TMPRSS6: variants seen among roughly 807,000 people sequenced by gnomAD.
TMPRSS6 encodes the protein transmembrane serine protease 6, also known as transmembrane protease serine 6.
A neutral mutation model predicts 101.5 loss-of-function variants in TMPRSS6; 67 were observed. That is an observed-to-expected ratio of 0.66 (90% CI 0.54 to 0.81). TMPRSS6 has a LOEUF of 0.81. Ranked by LOEUF, TMPRSS6 falls within the 30% of genes least tolerant of loss-of-function variation. The pLI, the probability that TMPRSS6 is intolerant of heterozygous loss-of-function variation, is 0.00. For missense variants in TMPRSS6, 1,034 were observed against 1,088.7 expected (o/e 0.95, Z 0.71); for synonymous variants, 453 against 464.9 (o/e 0.97, Z 0.33).
Position 37,093,384 on chromosome 22 carries a change from C to CTTTTTTT in TMPRSS6, c.631+2160_631+2166dup, listed in dbSNP as rs67659825. Among the ~76,000 whole-genome samples, 114 of 82,580 alleles carry CTTTTTTT rather than the reference C, an allele frequency of 1.4e-3. 1 individual carries two copies. The highest frequency in any genetic ancestry group is 2.6e-3 in the African/African-American group (49 of 19,084). The allele number at this position is 82,580 out of a possible 152,430, so 54.2% of individuals were successfully genotyped here. A position where few individuals can be genotyped will look rare whatever the true frequency, so the allele number is the denominator to read the frequency against. On this transcript the variant is annotated intron_variant, in intron 6 of 17. Coordinates refer to ENST00000676104, the MANE Select transcript of TMPRSS6 (RefSeq NM_001374504.1). Reference sequence around the variant, plus strand: ...ACCTTTTCCTTTCCTTTCTTTCTTTCTTTTTTTTTTTTTTTTTTTTTTTTT... The same window carrying CTTTTTTT: ...ACCTTTTCCTTTCCTTTCTTTCTTTCTTTTTTTTTTTTTTTTTTTTTTTTTTTTTTTT...
At chr22:37,076,005 AAGAAAGAAAGAAGAAAGAGAAAG>A (rs969244389) in intron 10 of TMPRSS6, among the ~76,000 whole-genome samples, 1 of 148,822 alleles carries the variant, frequency 6.7e-6, no homozygotes. Context: ...GAAAGGAAGA[AAGAAAGAAAGAAGAAAGAGAAAG>A]AGAAAGAAAG....
chr22:37,074,807 A>G, intron 11 of TMPRSS6, 99 bp from the exon 12 acceptor site: 1 of 1,257,744 alleles, frequency 8.0e-7, no homozygotes, highest in East Asian at 2.5e-5. Flanking sequence ...GTTCACTCAC[A>G]CGCGCATGGA....
chr22:37,066,997 G>A, intron 16 of TMPRSS6, 35 bp from the exon 17 acceptor site: 1 of 1,613,816 alleles, frequency 6.2e-7, no homozygotes, highest in Non-Finnish European at 8.5e-7. Flanking sequence ...GAGATCTCAG[G>A]AGCCTGGAGC....
chr22:37,073,452 C>A lies in TMPRSS6; in HGVS notation c.1555+80G>T. 6 of 898,888 alleles carry A rather than the reference C, an allele frequency of 6.7e-6. No individual in the cohort carries two copies. In the South Asian group the frequency reaches 7.9e-5, roughly 12 times the overall value. 55.7% of individuals were successfully genotyped at this position (898,888 alleles called of 1,614,324 possible). On this transcript the variant is annotated intron_variant, in intron 13 of 17. Coordinates refer to ENST00000676104, the MANE Select transcript of TMPRSS6 (RefSeq NM_001374504.1). ...GGTTGGTGGGTGTTGAGAGGAGAAGCTAGAAACTTTTGCTGAAGCATGTAG... is the reference window on the plus strand; with the variant it reads ...GGTTGGTGGGTGTTGAGAGGAGAAGATAGAAACTTTTGCTGAAGCATGTAG...
intron 2 of TMPRSS6, among the ~76,000 whole-genome samples, chr22:37,099,698 G>A (rs903056146): frequency 2.2e-4 from 33 of 152,342 alleles, no homozygotes; most frequent in African/African-American, 4.1e-4. Context: ...TGGTCAGTGC[G>A]GTGGGAATCA....
chr22:37,095,726 C>G, intron 5 of TMPRSS6, 134 bp from the exon 6 acceptor site: 1 of 1,221,730 alleles, frequency 8.2e-7, no homozygotes, highest in Non-Finnish European at 1.2e-6. Flanking sequence ...ATGCCCCCAT[C>G]CCACCCTTCT....
Position 37,069,279 on chromosome 22 carries a change from C to T in TMPRSS6, c.1907G>A (p.Gly636Glu), listed in dbSNP as rs909764358. The change falls in exon 16 of 18, where the codon GGA becomes GAA. Residue 636 changes from glycine to glutamate, a missense_variant. Transcript: ENST00000676104. This position sits in a 1 kb window ranked among gnomAD's most constrained non-coding sequence, Gnocchi z 4.8. ...GKVWQNSRWP[G>E]EVSFKVSRLL... The stretch of plus-strand genomic sequence containing the variant: ...GCGGCTCACCTTGAAGGACACCTCT[C>T]CAGGCCAGCGCGAGTTCTGCCACAC... The T allele has an allele frequency of 6.2e-7, 1 of 1,611,904 alleles. No homozygotes were observed. The highest frequency in any genetic ancestry group is 1.3e-5 in the African/African-American group (1 of 74,914).
At chr22:37,092,271 T>C (rs1003305549) in intron 6 of TMPRSS6, among the ~76,000 whole-genome samples, 3 of 152,196 alleles carry the variant, frequency 2.0e-5, no homozygotes, top group South Asian at 2.1e-4. Flanking sequence ...GAACCCTTTC[T>C]TCTTCTCGCC....
At chr22:37,086,451 T>C (rs1928788936) in intron 7 of TMPRSS6, 32 bp from the exon 8 acceptor site, 2 of 1,526,334 alleles carry the variant, frequency 1.3e-6, no homozygotes, top group Admixed American at 3.9e-5. Context: ...AAGGCTGGGC[T>C]GGGGTCTGGG....
At chr22:37,095,623 CA>C in intron 5 of TMPRSS6, 31 bp from the exon 6 acceptor site, 1 of 1,329,566 alleles carries the variant, frequency 7.5e-7, no homozygotes, top group South Asian at 1.6e-5. Context: ...AACAAATAAA[CA>C]AGAACAAAAA....
At chr22:37,078,973 A>AAG (rs762878165) in intron 10 of TMPRSS6, among the ~76,000 whole-genome samples, 42,240 of 105,410 alleles carry the variant, frequency 0.4, 9,565 homozygotes, top group African/African-American at 0.61. Flanking sequence ...GAAAGAAAGA[A>AAG]AAAGAAAGAA....
intron 10 of TMPRSS6, among the ~76,000 whole-genome samples, chr22:37,076,081 GAA>G (rs1350605562): frequency 1.3e-5 from 2 of 152,054 alleles, no homozygotes. Flanking sequence ...AGAAAAGAAA[GAA>G]AGAGAAAGAA....
At chr22:37,105,833 A>C (rs1186063631) in intron 1 of TMPRSS6, among the ~76,000 whole-genome samples, 3 of 152,046 alleles carry the variant, frequency 2.0e-5, no homozygotes, top group African/African-American at 7.2e-5. Flanking sequence ...ACACCTGGCT[A>C]ATTTTATAGT....
chr22:37,107,580 G>A (rs1053122777), intron 1 of TMPRSS6, among the ~76,000 whole-genome samples: 1 of 151,616 alleles, frequency 6.6e-6, no homozygotes, highest in African/African-American at 2.4e-5. Context: ...TACCCAGTGA[G>A]TTCTCACACA....
intron 2 of TMPRSS6, among the ~76,000 whole-genome samples, chr22:37,102,880 A>G (rs1477066749): frequency 6.6e-6 from 1 of 152,088 alleles, no homozygotes; most frequent in Admixed American, 6.5e-5. Context: ...GGAGGACTGC[A>G]GGCAAGGGAA....
At chr22:37,097,150 T>C (rs1929838995) in intron 3 of TMPRSS6, among the ~76,000 whole-genome samples, 1 of 152,202 alleles carries the variant, frequency 6.6e-6, no homozygotes, top group East Asian at 1.9e-4. Context: ...AGCGTGGGAA[T>C]AGTGTTCGTG....
At chr22:37,074,998 C>G in intron 11 of TMPRSS6, 137 bp downstream of exon 11, 1 of 1,446,848 alleles carries the variant, frequency 6.9e-7, no homozygotes, top group African/African-American at 1.4e-5. Context: ...TGTGCAAGCA[C>G]ATACACACAC....
At chr22:37,089,218 AC>A (rs1341235639) in intron 7 of TMPRSS6, among the ~76,000 whole-genome samples, 1 of 152,130 alleles carries the variant, frequency 6.6e-6, no homozygotes, top group East Asian at 1.9e-4. Flanking sequence ...TGGGTGTTCT[AC>A]CAGGAAGCAG....
At chr22:37,070,726 A>G (rs1343338513) in intron 14 of TMPRSS6, 74 bp from the exon 15 acceptor site, 1 of 1,511,408 alleles carries the variant, frequency 6.6e-7, no homozygotes, top group Non-Finnish European at 9.1e-7. Flanking sequence ...AGGAAGGGCA[A>G]AGGAAAGAGA....
Sources: gnomAD v4.1 joint callset for allele counts (sites outside exome capture counted in the v4.1 genomes callset) on GRCh38, gnomAD v4.1.1 for gene constraint, Gnocchi (gnomAD v3.1) non-coding constraint, MANE v1.5 for transcripts, NCBI Gene and HGNC (gene_info 2026-07-23, HGNC 2026-07-21) for gene names.